The following DENND5B variants were observed in gnomAD, a reference collection of about 807,000 sequenced individuals.
DENND5B encodes DENN domain-containing protein 5B.
Under a neutral mutation model 140.6 loss-of-function variants are expected in DENND5B, and 34 were observed. That is an observed-to-expected ratio of 0.24 (90% CI 0.18 to 0.32). The LOEUF is 0.32. Among genes scored for constraint, DENND5B ranks in the 10% least tolerant of loss-of-function variants. The pLI, the probability that DENND5B is intolerant of heterozygous loss-of-function variation, is 1.00. For synonymous variants in DENND5B, 551 were observed against 562.1 expected, an observed-to-expected ratio of 0.98 and a Z score of 0.28; for missense variants, 1,142 against 1,560.2, an observed-to-expected ratio of 0.73 and a Z score of 4.52.
In DENND5B at chr12:31,386,106, G is replaced by A. The variant is rs1218528086; in HGVS notation, c.*1497C>T. The A allele has an allele frequency of 1.3e-5, 2 of 154,410 alleles. No individual in the cohort carries two copies. The highest frequency in any genetic ancestry group is 2.9e-5 in the Non-Finnish European group (2 of 68,240). 9.6% of individuals were successfully genotyped at this position (154,410 alleles called of 1,614,324 possible). A position where few individuals can be genotyped will look rare whatever the true frequency, so the allele number is the denominator to read the frequency against. ...TTGTTTCATCTGTTTCTTCCTCCAG[G>A]AAATAAGGTTAACAACACAGGTGGT... On this transcript the variant is annotated 3_prime_UTR_variant, in exon 21 of 21. Transcript: ENST00000389082.
At chr12:31,517,095 C>T (rs557369470) in intron 1 of DENND5B, among the ~76,000 whole-genome samples, 6 of 152,142 alleles carry the variant, frequency 3.9e-5, no homozygotes, top group South Asian at 4.1e-4. Context: ...ATCTTAAATT[C>T]GGCTGGGGAA....
chr12:31,440,689 T>C (rs1943992326), intron 7 of DENND5B, among the ~76,000 whole-genome samples: 1 of 152,140 alleles, frequency 6.6e-6, no homozygotes, highest in African/African-American at 2.4e-5. Flanking sequence ...AAGAGGGTCT[T>C]TGCAAGGTTG....
chr12:31,434,012 A>C lies in DENND5B; in HGVS notation c.2013-764T>G, dbSNP rs200574662. 2.8e-4 allele frequency among the ~76,000 whole-genome samples: 42 copies of C among 152,326 alleles called. No homozygotes were observed. The East Asian group carries it at 7.9e-3, about 29-fold the overall frequency. On this transcript the variant is annotated intron_variant, in intron 7 of 20. Transcript: ENST00000389082. ...CATCTCAAGATAAATAGAAAGATTC[A>C]AACTCATAAGAGTGAGTCCTCATCT...
intron 11 of DENND5B, among the ~76,000 whole-genome samples, chr12:31,423,315 T>C (rs577335067): frequency 5.3e-5 from 8 of 152,224 alleles, no homozygotes; most frequent in South Asian, 4.2e-4. Context: ...TTACAATTCA[T>C]TGGGGGTTTT....
At chr12:31,506,962 T>C (rs539693825) in intron 1 of DENND5B, among the ~76,000 whole-genome samples, 4 of 152,196 alleles carry the variant, frequency 2.6e-5, no homozygotes, top group Non-Finnish European at 5.9e-5. Context: ...AATCATTGGC[T>C]ACAAGACTAA....
intron 2 of DENND5B, among the ~76,000 whole-genome samples, chr12:31,488,818 C>T (rs1187682583): frequency 6.6e-6 from 1 of 152,128 alleles, no homozygotes; most frequent in Non-Finnish European, 1.5e-5. Context: ...CTTAACTTTG[C>T]TATCTACTAA....
At chr12:31,438,465 G>A (rs1249527619) in intron 7 of DENND5B, among the ~76,000 whole-genome samples, 2 of 152,088 alleles carry the variant, frequency 1.3e-5, no homozygotes, top group African/African-American at 4.8e-5. Flanking sequence ...GTTTATATAA[G>A]GGAAAAATGT....
chr12:31,567,105 A>G (rs1042935866), intron 1 of DENND5B, among the ~76,000 whole-genome samples: 2 of 152,344 alleles, frequency 1.3e-5, no homozygotes, highest in East Asian at 3.9e-4. Context: ...TTTCTTTTAG[A>G]GAGCCTATCC....
intron 11 of DENND5B, chr12:31,420,181 CAGTGG>C: frequency 3.5e-6 from 2 of 564,246 alleles, no homozygotes; most frequent in Non-Finnish European, 4.5e-6. Context: ...AGCTAGAGTG[CAGTGG>C]TGGGATCACA....
At chr12:31,424,743 A>C (rs779820747) in intron 9 of DENND5B, 56 bp from the exon 10 acceptor site, 1 of 1,582,336 alleles carries the variant, frequency 6.3e-7, no homozygotes, top group South Asian at 1.2e-5. Flanking sequence ...AAAAACCAAC[A>C]AGTCAATTAC....
intron 1 of DENND5B, among the ~76,000 whole-genome samples, chr12:31,504,848 G>A (rs1182100822): frequency 3.9e-5 from 6 of 152,104 alleles, no homozygotes; most frequent in East Asian, 1.9e-4. Flanking sequence ...CGTCATTTCC[G>A]GGTCAAGGCA....
Position 31,452,239 on chromosome 12 carries a change from T to A in DENND5B, c.1330A>T (p.Met444Leu). The part of the protein sequence containing the change: ...NGNVCTNNIS[M>L]YELLKGNETI... Reference sequence around the variant, plus strand: ...TCATTGCCCTTCAGTAACTCATACATGCTGATGTTATTAGTACAGACATTG... The same window carrying A: ...TCATTGCCCTTCAGTAACTCATACAAGCTGATGTTATTAGTACAGACATTG... The change falls in exon 5 of 21, where the codon ATG becomes TTG. Residue 444 changes from methionine (M) to leucine (L), a missense_variant. Transcript: ENST00000389082. 1.2e-6 allele frequency: 2 copies of A among 1,613,994 alleles called. No individual in the cohort carries two copies. The highest frequency in any genetic ancestry group is 1.7e-6 in the Non-Finnish European group (2 of 1,179,882).
rs33965275 is a variant in DENND5B at position 31,408,624 on chromosome 12, CAAA to C, written c.2803+636_2803+638del. Among the ~76,000 whole-genome samples, 662 of 71,930 alleles carry C rather than the reference CAAA, an allele frequency of 9.2e-3. 2 individuals carry two copies. The highest frequency in any genetic ancestry group is 0.033 in the African/African-American group (547 of 16,398). The allele number at this position is 71,930 out of a possible 152,430, so 47.2% of individuals were successfully genotyped here. A position where few individuals can be genotyped will look rare whatever the true frequency, so the allele number is the denominator to read the frequency against. The stretch of plus-strand genomic sequence containing the variant: ...CCTGGGTGATGGAGTGAGACTCTAT[CAAA>C]AAAAAAAAAAAAAAAAAAAAAAAAT... On this transcript the variant is annotated intron_variant, in intron 14 of 20. Transcript: ENST00000389082.
intron 3 of DENND5B, among the ~76,000 whole-genome samples, chr12:31,473,337 G>A (rs983493016): frequency 7.9e-5 from 12 of 152,182 alleles, no homozygotes; most frequent in African/African-American, 2.9e-4. Flanking sequence ...AAATTGGAAT[G>A]TTTAAACACA....
intron 1 of DENND5B, among the ~76,000 whole-genome samples, chr12:31,565,698 T>C (rs1489697614): frequency 2.6e-5 from 4 of 152,184 alleles, no homozygotes; most frequent in Non-Finnish European, 5.9e-5. Context: ...CTGTTCTCTA[T>C]AGTTAAAGGG....
At chr12:31,574,794 A>G (rs1366153136) in intron 1 of DENND5B, among the ~76,000 whole-genome samples, 1 of 152,200 alleles carries the variant, frequency 6.6e-6, no homozygotes, top group Non-Finnish European at 1.5e-5. Context: ...CTTCACTATG[A>G]AGAATATACA....
chr12:31,464,769 C>A (rs1251894023), intron 3 of DENND5B, among the ~76,000 whole-genome samples: 2 of 152,016 alleles, frequency 1.3e-5, no homozygotes, highest in East Asian at 3.9e-4. Context: ...CCATGTTGGC[C>A]AGGCTGGTCT....
chr12:31,417,633 G>C (rs1565559028), intron 11 of DENND5B, among the ~76,000 whole-genome samples: 1 of 152,032 alleles, frequency 6.6e-6, no homozygotes, highest in Admixed American at 6.6e-5. Flanking sequence ...GTAGAGACGG[G>C]GTTTTGTCTC....
At chr12:31,480,407 T>C (rs764211146) in intron 2 of DENND5B, among the ~76,000 whole-genome samples, 152 bp from the exon 3 acceptor site, 1 of 152,204 alleles carries the variant, frequency 6.6e-6, no homozygotes, top group Admixed American at 6.5e-5. Flanking sequence ...AAATATATTA[T>C]AAATTCCTCA....
Sources: gnomAD v4.1 joint callset for allele counts (sites outside exome capture counted in the v4.1 genomes callset) on GRCh38, gnomAD v4.1.1 for gene constraint, MANE v1.5 for transcripts, NCBI Gene and HGNC (gene_info 2026-07-23, HGNC 2026-07-21) for gene names.